SETDB2: variants seen among roughly 807,000 people sequenced by gnomAD.
SETDB2 encodes histone-lysine N-methyltransferase SETDB2.
A neutral mutation model predicts 82.5 loss-of-function variants in SETDB2; 56 were observed. The observed-to-expected ratio is 0.68, with a 90% confidence interval of 0.55 to 0.85. The LOEUF is 0.85. Ranked by LOEUF, SETDB2 falls within the 40% of genes least tolerant of loss-of-function variation. The pLI, the probability that SETDB2 is intolerant of heterozygous loss-of-function variation, is 0.00. For synonymous variants in SETDB2, 272 were observed against 284.9 expected (o/e 0.95, Z 0.46); for missense variants, 677 against 816.4 (o/e 0.83, Z 2.08).
chr13:49,477,993 A>T (rs911234058), intron 6 of SETDB2, among the ~76,000 whole-genome samples: 4 of 152,354 alleles, frequency 2.6e-5, no homozygotes, highest in Middle Eastern at 6.8e-3. Flanking sequence ...AGGTATACAG[A>T]TGTAGAGTGG....
chr13:49,454,313 G>T (rs971950877), intron 2 of SETDB2, among the ~76,000 whole-genome samples: 4 of 152,124 alleles, frequency 2.6e-5, no homozygotes, highest in Non-Finnish European at 5.9e-5. Flanking sequence ...AGAGGCTGGG[G>T]CATGATAATT....
At chr13:49,464,566 TAAG>T (rs1271780460) in intron 4 of SETDB2, among the ~76,000 whole-genome samples, 1 of 152,298 alleles carries the variant, frequency 6.6e-6, no homozygotes, top group East Asian at 1.9e-4. Flanking sequence ...TGGGGTCTTT[TAAG>T]GAAATAATTT....
Position 49,480,819 on chromosome 13 carries a change from C to A in SETDB2, c.987-128C>A. 5.9e-6 allele frequency: 5 copies of A among 853,402 alleles called. No individual in the cohort carries two copies. In the South Asian group the frequency reaches 7.6e-5, roughly 13 times the overall value. The allele number at this position is 853,402 out of a possible 1,614,324, so 52.9% of individuals were successfully genotyped here. ...TAAATGTGGAAGCTGTGATGGGAACCCAGGCACTCTACCTCTAAGAGCTTT... is the reference window on the plus strand; with the variant it reads ...TAAATGTGGAAGCTGTGATGGGAACACAGGCACTCTACCTCTAAGAGCTTT... On this transcript the variant is annotated intron_variant, in intron 7 of 13. Coordinates refer to ENST00000611815, the MANE Select transcript of SETDB2 (RefSeq NM_001160308.3).
chr13:49,488,695 T>C, intron 12 of SETDB2, 65 bp downstream of exon 12: 1 of 1,317,826 alleles, frequency 7.6e-7, no homozygotes, highest in East Asian at 2.3e-5. Flanking sequence ...CTTAACAAAA[T>C]TATGAGGAAA....
At chr13:49,474,491 C>T (rs1403592767) in intron 5 of SETDB2, among the ~76,000 whole-genome samples, 1 of 152,150 alleles carries the variant, frequency 6.6e-6, no homozygotes, top group African/African-American at 2.4e-5. Flanking sequence ...ATATGTTCTG[C>T]AACAGTATCT....
intron 5 of SETDB2, among the ~76,000 whole-genome samples, chr13:49,469,519 A>G (rs1167816986): frequency 6.6e-6 from 1 of 152,154 alleles, no homozygotes; most frequent in Non-Finnish European, 1.5e-5. Context: ...TAAATTCAAA[A>G]TATTTAGAAG....
chr13:49,445,464 A>G (rs1340716600), intron 1 of SETDB2: 2 of 152,206 alleles, frequency 1.3e-5, no homozygotes, highest in South Asian at 2.1e-4. Context: ...TTTTAAGCCC[A>G]TTTACTCTCT....
chr13:49,450,803 C>A (rs1416982850), intron 1 of SETDB2, among the ~76,000 whole-genome samples: 1 of 151,724 alleles, frequency 6.6e-6, no homozygotes, highest in Admixed American at 6.6e-5. Context: ...TATTTTTGAC[C>A]TATTATTCTA....
intron 4 of SETDB2, among the ~76,000 whole-genome samples, chr13:49,465,567 A>G (rs1249508507): frequency 1.3e-5 from 2 of 151,196 alleles, no homozygotes; most frequent in Admixed American, 6.6e-5. Flanking sequence ...ACGAAGTCTC[A>G]CTCTTATCCC....
chr13:49,460,441 G>T (rs1594139751), intron 3 of SETDB2, among the ~76,000 whole-genome samples: 1 of 151,754 alleles, frequency 6.6e-6, no homozygotes, highest in South Asian at 2.1e-4. Flanking sequence ...AGTAACATCT[G>T]CTCATTATAT....
chr13:49,478,162 C>T (rs760134114), intron 6 of SETDB2, among the ~76,000 whole-genome samples: 2 of 152,158 alleles, frequency 1.3e-5, no homozygotes, highest in Admixed American at 6.5e-5. Context: ...TCTACTGTTA[C>T]CTCAGTTTGG....
intron 5 of SETDB2, among the ~76,000 whole-genome samples, chr13:49,474,082 C>A (rs1301219792): frequency 6.6e-6 from 1 of 152,130 alleles, no homozygotes; most frequent in Non-Finnish European, 1.5e-5. Context: ...GCCCACATGG[C>A]AAAACCCTGT....
chr13:49,467,805 C>G, intron 4 of SETDB2, 59 bp from the exon 5 acceptor site: 1 of 1,314,298 alleles, frequency 7.6e-7, no homozygotes. Flanking sequence ...TACTTGGGTA[C>G]TTATAGCAAA....
Position 49,476,931 on chromosome 13 carries a change from T to C in SETDB2, c.761T>C (p.Leu254Pro), listed in dbSNP as rs1196026132. ...TGTAATGAAATTGACAGTAGAAAGCTCCCACAGTTTAAGTACAGAAAGACT... is the reference window on the plus strand; with the variant it reads ...TGTAATGAAATTGACAGTAGAAAGCCCCCACAGTTTAAGTACAGAAAGACT... ...SFCNEIDSRK[L>P]PQFKYRKTVW... Residue 254 changes from leucine to proline, a missense_variant, in exon 6 of 14, where the codon CTC becomes CCC. Leu to Pro is a moderately conservative substitution (Grantham distance 98, BLOSUM62 -3). Around this residue, in one of 3 missense-constraint regions of SETDB2, gnomAD observed 420 missense variants for 554.6 expected, o/e 0.76. Transcript: ENST00000611815. 6.2e-7 allele frequency: 1 copy of C among 1,614,206 alleles called. No individual in the cohort carries two copies. Among genetic ancestry groups the C allele is most frequent in the Non-Finnish European group, 8.5e-7 (1 of 1,180,036 alleles).
At chr13:49,477,416 ACAAAG>A (rs931919750) in intron 6 of SETDB2, among the ~76,000 whole-genome samples, 1 of 152,216 alleles carries the variant, frequency 6.6e-6, no homozygotes, top group Admixed American at 6.5e-5. Flanking sequence ...GGCCTGGACA[ACAAAG>A]CAAGACCCTG....
In SETDB2 at chr13:49,490,400, GTTTA is replaced by G. The variant is rs149344969; in HGVS notation, c.1918-417_1918-414del. Among the ~76,000 whole-genome samples, 1,103 of 151,310 alleles carry G rather than the reference GTTTA, an allele frequency of 7.3e-3. 12 individuals are homozygous for G. Among genetic ancestry groups the G allele is most frequent in the African/African-American group, 0.025 (1,039 of 41,186 alleles). ...GCATAGAATTCTATTGTGTACCAAA[GTTTA>G]TTTAACCAATCTGCTTTAGGCAAAT... On this transcript the variant is annotated intron_variant, in intron 12 of 13. Coordinates refer to ENST00000611815, the MANE Select transcript of SETDB2 (RefSeq NM_001160308.3).
At chr13:49,451,170 G>A (rs1027598263) in intron 1 of SETDB2, among the ~76,000 whole-genome samples, 3 of 151,078 alleles carry the variant, frequency 2.0e-5, no homozygotes, top group African/African-American at 7.3e-5. Flanking sequence ...ACAATAATTG[G>A]TAGTATTCCT....
intron 5 of SETDB2, among the ~76,000 whole-genome samples, chr13:49,473,488 T>C (rs528805175): frequency 6.7e-6 from 1 of 150,228 alleles, no homozygotes; most frequent in South Asian, 2.1e-4. Context: ...GAGGCAGATG[T>C]TGTGGGGAAC....
intron 2 of SETDB2, among the ~76,000 whole-genome samples, chr13:49,454,407 AAAATAAAT>A (rs946322845): frequency 6.6e-6 from 1 of 152,104 alleles, no homozygotes; most frequent in African/African-American, 2.4e-5. Flanking sequence ...AGACTATCTC[AAAATAAAT>A]AAATAAATAA....
Sources: allele counts gnomAD v4.1 joint callset (sites outside exome capture counted in the v4.1 genomes callset), GRCh38; gene constraint gnomAD v4.1.1; regional missense constraint gnomAD v4.1.1; transcripts MANE v1.5; gene names NCBI Gene and HGNC (gene_info 2026-07-23, HGNC 2026-07-21).